The following NCF2 variants were observed in gnomAD, a reference collection of about 807,000 sequenced individuals.
The protein encoded by NCF2 is neutrophil cytosol factor 2.
In NCF2, 45 loss-of-function variants were observed where a neutral mutation model predicts 70.9. The ratio of observed to expected loss-of-function variants is 0.63; its 90% CI spans 0.50 to 0.81. NCF2 has a LOEUF of 0.81. Ranked by LOEUF, NCF2 falls within the 40% of genes least tolerant of loss-of-function variation. NCF2 has a pLI of 0.00. For synonymous variants in NCF2, 203 were observed against 233.6 expected, an observed-to-expected ratio of 0.87 and a Z score of 1.19; for missense variants, 522 against 631.6, an observed-to-expected ratio of 0.83 and a Z score of 1.86.
chr1:183,595,603 G>A (rs962920761), upstream of NCF2, among the ~76,000 whole-genome samples: 1 of 152,082 alleles, frequency 6.6e-6, no homozygotes, highest in Non-Finnish European at 1.5e-5. Flanking sequence ...AAGCTCCCTT[G>A]GTTTGTTGGT....
intron 6 of NCF2, 190 bp from the exon 7 acceptor site, chr1:183,569,375 T>C: frequency 1.6e-6 from 1 of 641,304 alleles, no homozygotes; most frequent in Non-Finnish European, 2.8e-6. Context: ...AAATAACACC[T>C]CCCACCAGCT....
the NCF2 span, among the ~76,000 whole-genome samples, chr1:183,599,423 C>CTTCTTTCTTTCTTTCTTTCTTTCCTTTCT: frequency 3.9e-3 from 414 of 107,498 alleles, 8 homozygotes; most frequent in African/African-American, 0.015. Context: ...TCTTTCTTTC[C>CTTCTTTCTTTCTTTCTTTCTTTCCTTTCT]TTCTTTCTTT....
chr1:183,564,065 G>A, intron 10 of NCF2, 35 bp from the exon 11 acceptor site: 1 of 1,595,302 alleles, frequency 6.3e-7, no homozygotes, highest in Non-Finnish European at 8.6e-7. Context: ...AACAAAAGAA[G>A]ATGGTGAATG....
intron 14 of NCF2, 85 bp from the exon 15 acceptor site, chr1:183,556,315 T>C (rs1245464071): frequency 2.3e-5 from 29 of 1,255,238 alleles, no homozygotes; most frequent in African/African-American, 2.9e-5. Flanking sequence ...GAATTTGTTA[T>C]CTGTCACCCT....
chr1:183,580,713 G>A (rs1052114251), intron 2 of NCF2, among the ~76,000 whole-genome samples: 2 of 151,994 alleles, frequency 1.3e-5, no homozygotes, highest in African/African-American at 2.4e-5. Context: ...GCAGTGGCTC[G>A]TGCCGGTAAT....
At position 183,556,037 on chromosome 1, in the gene NCF2, A is replaced by G. The variant is rs1270749552; in HGVS notation, c.*81T>C. 1.8e-6 allele frequency: 2 copies of G among 1,115,004 alleles called. No homozygotes were observed. Among genetic ancestry groups the G allele is most frequent in the Non-Finnish European group, 2.7e-6 (2 of 727,624 alleles). 69.1% of individuals were successfully genotyped at this position (1,115,004 alleles called of 1,614,324 possible). On this transcript the variant is annotated 3_prime_UTR_variant, in exon 15 of 15. Coordinates refer to ENST00000367535, the MANE Select transcript of NCF2 (RefSeq NM_000433.4). ...CTTCCAAACTGTAATGTCTCAGTAC[A>G]GTATACAGCAGAAGGGTGCTAAATC...
Position 183,563,180 on chromosome 1 carries a change from C to A in NCF2, c.1290+15G>T. On this transcript the variant is annotated intron_variant, in intron 13 of 14. Transcript: ENST00000367535. ...CAGTGGAAATGTAACTTTAGATGCC[C>A]CTCATTGCACTCACCACTGTGTTCT... 1.2e-6 allele frequency: 2 copies of A among 1,610,600 alleles called. No individual in the cohort carries two copies. Among genetic ancestry groups the A allele is most frequent in the South Asian group, 2.2e-5 (2 of 90,984 alleles).
At chr1:183,573,906 A>G (rs572135292) in intron 4 of NCF2, among the ~76,000 whole-genome samples, 3 of 152,318 alleles carry the variant, frequency 2.0e-5, no homozygotes, top group African/African-American at 7.2e-5. Flanking sequence ...CCTGGCCAAC[A>G]TGGCAAAACC....
Position 183,555,743 on chromosome 1 carries a change from T to G in NCF2, c.*375A>C. Reference sequence around the variant, plus strand: ...TGCTAGGTTTTTTTTTATTGTGGTATGACACAGAAAAGTGCACCAAATGTA... The same window carrying G: ...TGCTAGGTTTTTTTTTATTGTGGTAGGACACAGAAAAGTGCACCAAATGTA... On this transcript the variant is annotated 3_prime_UTR_variant, in exon 15 of 15. Transcript: ENST00000367535. 4.3e-6 allele frequency: 1 copy of G among 233,802 alleles called. No homozygotes were observed. The highest frequency in any genetic ancestry group is 5.1e-5 in the Admixed American group (1 of 19,690). 14.5% of individuals were successfully genotyped at this position (233,802 alleles called of 1,614,324 possible).
intron 1 of NCF2, among the ~76,000 whole-genome samples, chr1:183,588,504 T>C (rs1451537630): frequency 6.6e-6 from 1 of 150,766 alleles, no homozygotes; most frequent in Non-Finnish European, 1.5e-5. Flanking sequence ...GAAAAAATGA[T>C]ATCTAATGTA....
intron 13 of NCF2, among the ~76,000 whole-genome samples, chr1:183,561,537 T>C (rs1229789321): frequency 1.3e-5 from 2 of 152,226 alleles, no homozygotes; most frequent in Non-Finnish European, 2.9e-5. Context: ...GCAGTACTCT[T>C]CTAAATATGT....
intron 7 of NCF2, 82 bp from the exon 8 acceptor site, chr1:183,567,427 A>C: frequency 1.3e-6 from 2 of 1,577,048 alleles, no homozygotes; most frequent in Non-Finnish European, 1.7e-6. Flanking sequence ...GGAGCCAGGG[A>C]CTTGGCTCCA....
chr1:183,575,469 C>T (rs1672760133), intron 3 of NCF2, among the ~76,000 whole-genome samples: 1 of 152,166 alleles, frequency 6.6e-6, no homozygotes, highest in Admixed American at 6.5e-5. Flanking sequence ...GCAACAGTGT[C>T]ATACTTTTCC....
intron 5 of NCF2, 112 bp from the exon 6 acceptor site, chr1:183,570,951 C>T (rs550588578): frequency 4.3e-4 from 438 of 1,015,126 alleles, no homozygotes; most frequent in South Asian, 2.6e-3. Context: ...TGGTTTCAGA[C>T]GTGGACAGTA....
At chr1:183,595,389 G>A (rs944244471), upstream of NCF2, among the ~76,000 whole-genome samples, 2 of 152,198 alleles carry the variant, frequency 1.3e-5, no homozygotes, top group East Asian at 3.8e-4. Flanking sequence ...CTAATCTGTC[G>A]TTGGGTTGGT....
intron 2 of NCF2, among the ~76,000 whole-genome samples, chr1:183,580,210 G>C (rs1265749100): frequency 6.6e-6 from 1 of 152,190 alleles, no homozygotes; most frequent in Non-Finnish European, 1.5e-5. Flanking sequence ...GCTTTCTCTA[G>C]TATCCCTGTT....
At chr1:183,587,193 T>C (rs930226920) in intron 1 of NCF2, among the ~76,000 whole-genome samples, 15 of 152,236 alleles carry the variant, frequency 9.9e-5, no homozygotes, top group Non-Finnish European at 2.2e-4. Flanking sequence ...ATTCCTTGTA[T>C]TGTCATTCCA....
At chr1:183,571,195 G>A (rs185658357) in intron 5 of NCF2, among the ~76,000 whole-genome samples, 11 of 135,190 alleles carry the variant, frequency 8.1e-5, no homozygotes, top group African/African-American at 3.1e-4. Flanking sequence ...TCAGCTCACT[G>A]CAACCTCTGC....
chr1:183,588,321 C>T (rs1673470605), intron 1 of NCF2, among the ~76,000 whole-genome samples: 1 of 151,466 alleles, frequency 6.6e-6, no homozygotes, highest in South Asian at 2.1e-4. Flanking sequence ...AAAAATGAAA[C>T]ATCATTAGAC....
Sources: allele counts gnomAD v4.1 joint callset (sites outside exome capture counted in the v4.1 genomes callset), GRCh38; gene constraint gnomAD v4.1.1; transcripts MANE v1.5; gene names NCBI Gene and HGNC (gene_info 2026-07-23, HGNC 2026-07-21).